Variants in ASPH observed in about 807,000 individuals in gnomAD.
ASPH encodes the protein aspartate beta-hydroxylase, also known as aspartyl/asparaginyl beta-hydroxylase.
A neutral mutation model predicts 118.4 loss-of-function variants in ASPH; 100 were observed. That is an observed-to-expected ratio of 0.84 (90% CI 0.72 to 1.00). The LOEUF (loss-of-function observed/expected upper bound fraction) is 1.00. Among genes scored for constraint, ASPH ranks in the 50% least tolerant of loss-of-function variants. The probability of loss-of-function intolerance (pLI) is 0.00; values close to 1 mark genes in which losing one functional copy is unlikely to be tolerated. For synonymous variants in ASPH, 315 were observed against 325.6 expected, an observed-to-expected ratio of 0.97 and a Z score of 0.35; for missense variants, 920 against 919.5, an observed-to-expected ratio of 1.00 and a Z score of -0.01.
intron 21 of ASPH, among the ~76,000 whole-genome samples, chr8:61,536,867 T>G (rs1819808519): frequency 6.6e-6 from 1 of 152,174 alleles, no homozygotes; most frequent in Non-Finnish European, 1.5e-5. Flanking sequence ...AAATTCTATT[T>G]TTACATATAG....
chr8:61,543,614 C>G (rs1291167651), intron 21 of ASPH, among the ~76,000 whole-genome samples: 2 of 152,170 alleles, frequency 1.3e-5, no homozygotes, highest in Non-Finnish European at 2.9e-5. Flanking sequence ...AGTTCAGCAT[C>G]AGGGCCCCTC....
intron 1 of ASPH, among the ~76,000 whole-genome samples, chr8:61,695,759 C>T (rs1833790155): frequency 6.6e-6 from 1 of 152,224 alleles, no homozygotes; most frequent in Non-Finnish European, 1.5e-5. Context: ...GATCTATCTA[C>T]TAGGAACTCA....
At chr8:61,666,210 T>C (rs971840929) in intron 3 of ASPH, among the ~76,000 whole-genome samples, 2 of 152,320 alleles carry the variant, frequency 1.3e-5, no homozygotes, top group East Asian at 1.9e-4. Flanking sequence ...ATATTCATCA[T>C]GAAATCAGTA....
chr8:61,646,985 C>G, intron 5 of ASPH, 107 bp from the exon 6 acceptor site: 2 of 1,454,080 alleles, frequency 1.4e-6, no homozygotes, highest in African/African-American at 2.8e-5. Flanking sequence ...TCCCCTGCCC[C>G]TCCTTTCGGC....
At chr8:61,702,377 C>T (rs992671986) in intron 1 of ASPH, among the ~76,000 whole-genome samples, 3 of 151,424 alleles carry the variant, frequency 2.0e-5, no homozygotes, top group Non-Finnish European at 2.9e-5. Context: ...CTCCGCCTCC[C>T]GGGTTCACGC....
intron 13 of ASPH, chr8:61,625,857 CAAGT>C (rs1159652267): frequency 2.0e-6 from 2 of 997,282 alleles, no homozygotes; most frequent in Non-Finnish European, 2.4e-6. Flanking sequence ...ACAGTGTACA[CAAGT>C]CAGTCCAACA....
At chr8:61,651,542 T>A (rs16927695) in intron 4 of ASPH, 1 of 158,976 alleles carries the variant, frequency 6.3e-6, no homozygotes, top group East Asian at 1.9e-4. Flanking sequence ...TCAATACAGA[T>A]TGAAGTATCT....
intron 21 of ASPH, among the ~76,000 whole-genome samples, chr8:61,528,118 T>C (rs1816170191): frequency 1.3e-5 from 2 of 152,188 alleles, no homozygotes; most frequent in African/African-American, 2.4e-5. Context: ...TGGTCATTTA[T>C]CCATGTTTAG....
intron 21 of ASPH, among the ~76,000 whole-genome samples, chr8:61,545,382 C>T (rs1226708658): frequency 6.6e-6 from 1 of 152,134 alleles, no homozygotes. Flanking sequence ...GTTTATAAGC[C>T]ACCGAGTTTA....
intron 2 of ASPH, 115 bp downstream of exon 2, chr8:61,683,924 C>T: frequency 1.6e-6 from 2 of 1,223,284 alleles, no homozygotes; most frequent in Non-Finnish European, 2.3e-6. Context: ...TATTGAGAAC[C>T]ACTGAAAGGC....
At chr8:61,666,425 G>C (rs1819640754) in intron 3 of ASPH, among the ~76,000 whole-genome samples, 1 of 152,146 alleles carries the variant, frequency 6.6e-6, no homozygotes, top group Admixed American at 6.5e-5. Context: ...CTCTCATAAG[G>C]AAATCATAAG....
At chr8:61,709,016 CAAAAGATGATTTTCTTTTT>C (rs1837433573) in intron 1 of ASPH, among the ~76,000 whole-genome samples, 1 of 152,086 alleles carries the variant, frequency 6.6e-6, no homozygotes, top group East Asian at 1.9e-4. Context: ...CCAGATCCTT[CAAAAGATGATTTTCTTTTT>C]AAAAAGAGTT....
chr8:61,511,737 G>A (rs565970365), intron 24 of ASPH, among the ~76,000 whole-genome samples: 3 of 152,294 alleles, frequency 2.0e-5, no homozygotes, highest in African/African-American at 7.2e-5. Context: ...CCAAGTAGCT[G>A]GGATTACAGG....
In ASPH at chr8:61,572,586, T is replaced by C. The variant is rs575287720; in HGVS notation, c.1149+4186A>G. On this transcript the variant is annotated intron_variant, in intron 16 of 24. Coordinates refer to ENST00000379454, the MANE Select transcript of ASPH (RefSeq NM_004318.4). ...AGGGGTCAGCCTTGAGTCCTCTTCCTCTGATGTTTTTACATCTAATCCATC... is the reference window on the plus strand; with the variant it reads ...AGGGGTCAGCCTTGAGTCCTCTTCCCCTGATGTTTTTACATCTAATCCATC... Among the ~76,000 whole-genome samples, 31 of 152,310 alleles carry C rather than the reference T, an allele frequency of 2.0e-4. 1 individual carries two copies. The South Asian group carries it at 2.1e-3, about 10-fold the overall frequency.
intron 14 of ASPH, among the ~76,000 whole-genome samples, chr8:61,604,774 C>T (rs1038456504): frequency 2.6e-5 from 4 of 152,182 alleles, no homozygotes; most frequent in African/African-American, 7.2e-5. Flanking sequence ...AACATTTTAG[C>T]GGATCCTATC....
chr8:61,576,016 G>A (rs1051010404), intron 16 of ASPH, among the ~76,000 whole-genome samples: 2 of 152,070 alleles, frequency 1.3e-5, no homozygotes, highest in African/African-American at 2.4e-5. Flanking sequence ...CCTTCCCCTC[G>A]TTCTTGCCTA....
intron 18 of ASPH, among the ~76,000 whole-genome samples, chr8:61,558,436 T>A (rs1382160210): frequency 6.6e-6 from 1 of 152,062 alleles, no homozygotes. Context: ...AAGGCAGAAG[T>A]CAAATTAAAT....
intron 8 of ASPH, 85 bp from the exon 9 acceptor site, chr8:61,643,518 T>C: frequency 7.6e-7 from 1 of 1,322,862 alleles, no homozygotes; most frequent in Non-Finnish European, 1.1e-6. Flanking sequence ...ATAAATTAAT[T>C]ATCTTCACAA....
chr8:61,532,543 C>A (rs1333056973), intron 21 of ASPH, among the ~76,000 whole-genome samples: 1 of 152,128 alleles, frequency 6.6e-6, no homozygotes, highest in African/African-American at 2.4e-5. Flanking sequence ...TGTAGTCCCA[C>A]TTGTTCATTT....
Sources: gnomAD v4.1 joint callset for allele counts (sites outside exome capture counted in the v4.1 genomes callset) on GRCh38, gnomAD v4.1.1 for gene constraint, MANE v1.5 for transcripts, NCBI Gene and HGNC (gene_info 2026-07-23, HGNC 2026-07-21) for gene names.